The following PCDH9 variants were observed in gnomAD, a reference collection of about 807,000 sequenced individuals.
PCDH9 encodes protocadherin-9.
PCDH9 carries 24 observed loss-of-function variants against 70.6 expected under a neutral mutation model. The observed-to-expected ratio is 0.34, with a 90% CI of 0.25 to 0.48. The LOEUF (loss-of-function observed/expected upper bound fraction) is 0.48, where lower values mean the gene tolerates loss of function less well. PCDH9 is among the 20% of genes least tolerant of loss of function. PCDH9 has a pLI of 0.99. For synonymous variants in PCDH9, 562 were observed against 558.5 expected (o/e 1.01, Z -0.09); for missense variants, 1,281 against 1,503.6 (o/e 0.85, Z 2.45).
intron 4 of PCDH9, among the ~76,000 whole-genome samples, chr13:66,457,917 T>G (rs1425359712): frequency 2.0e-5 from 3 of 152,028 alleles, no homozygotes; most frequent in Non-Finnish European, 4.4e-5. Context: ...CCTTAAATCG[T>G]TTCATTCATC....
chr13:66,428,596 C>T (rs1234558358), intron 4 of PCDH9, among the ~76,000 whole-genome samples: 2 of 151,590 alleles, frequency 1.3e-5, no homozygotes, highest in Non-Finnish European at 3.0e-5. Context: ...CCCTCAGCAT[C>T]CTTATTTATA....
At position 66,351,146 on chromosome 13, in the gene PCDH9, CT is replaced by C. The variant is rs541032538; in HGVS notation, c.3341-46119del. 4.1e-3 allele frequency among the ~76,000 whole-genome samples: 620 copies of C among 151,344 alleles called. 3 individuals are homozygous for C. The highest frequency in any genetic ancestry group is 0.014 in the African/African-American group (588 of 41,312). On this transcript the variant is annotated intron_variant, in intron 4 of 4. Transcript: ENST00000377865. ...GCCAGACACTGTACTAAATACTTTA[CT>C]TTTTTTTTCATTTGATTCTTTCTAC...
chr13:66,498,325 A>G (rs1221524924), intron 4 of PCDH9, among the ~76,000 whole-genome samples: 1 of 151,828 alleles, frequency 6.6e-6, no homozygotes, highest in Non-Finnish European at 1.5e-5. Context: ...TTGTGTTTTT[A>G]GTAGAGACGG....
chr13:66,684,921 TTAA>T (rs1380927731), intron 3 of PCDH9, among the ~76,000 whole-genome samples: 1 of 152,112 alleles, frequency 6.6e-6, no homozygotes, highest in Admixed American at 6.6e-5. Context: ...ATGCAAAATG[TTAA>T]TAATGATATA....
chr13:66,404,520 T>C (rs1377167472), intron 4 of PCDH9, among the ~76,000 whole-genome samples: 1 of 152,002 alleles, frequency 6.6e-6, no homozygotes, highest in Non-Finnish European at 1.5e-5. Flanking sequence ...ACAAGGAGGC[T>C]GATAATCCAC....
At chr13:66,819,454 G>A (rs1333975030) in intron 3 of PCDH9, among the ~76,000 whole-genome samples, 1 of 152,036 alleles carries the variant, frequency 6.6e-6, no homozygotes, top group Non-Finnish European at 1.5e-5. Flanking sequence ...AGATGAGTTG[G>A]GGATAATGAC....
intron 3 of PCDH9, among the ~76,000 whole-genome samples, chr13:66,717,751 T>C (rs1486592118): frequency 6.6e-6 from 1 of 151,948 alleles, no homozygotes; most frequent in Non-Finnish European, 1.5e-5. Flanking sequence ...TAGGTGCATA[T>C]ATCTATGTAT....
intron 3 of PCDH9, among the ~76,000 whole-genome samples, chr13:66,721,056 T>C (rs2078935591): frequency 6.6e-6 from 1 of 152,202 alleles, no homozygotes; most frequent in South Asian, 2.1e-4. Flanking sequence ...CTTCCAAGTG[T>C]AATGGGTTAT....
intron 2 of PCDH9, chr13:67,215,645 C>T (rs2138098248): frequency 6.6e-6 from 1 of 152,098 alleles, no homozygotes; most frequent in African/African-American, 2.4e-5. Context: ...TCCAAAATTA[C>T]TGAGAAAATG....
chr13:66,387,502 T>C (rs1227171783), intron 4 of PCDH9, among the ~76,000 whole-genome samples: 3 of 150,948 alleles, frequency 2.0e-5, no homozygotes, highest in Admixed American at 6.6e-5. Flanking sequence ...TCTCATCACA[T>C]TGAGTAAATT....
intron 4 of PCDH9, among the ~76,000 whole-genome samples, chr13:66,436,509 T>C (rs1403891198): frequency 1.3e-5 from 2 of 152,170 alleles, no homozygotes; most frequent in Admixed American, 1.3e-4. Flanking sequence ...AAGGTTTTAA[T>C]CTATTTTTAG....
At chr13:67,110,511 T>C (rs1315765271) in intron 2 of PCDH9, among the ~76,000 whole-genome samples, 4 of 70,632 alleles carry the variant, frequency 5.7e-5, no homozygotes, top group South Asian at 5.9e-4. Flanking sequence ...CTCCACTCCA[T>C]CTCAAAAAAA....
intron 2 of PCDH9, among the ~76,000 whole-genome samples, chr13:67,094,616 T>C (rs545565535): frequency 1.3e-5 from 2 of 151,870 alleles, no homozygotes; most frequent in East Asian, 3.9e-4. Context: ...TGCCCAGCAC[T>C]GTTGGACCAC....
chr13:66,894,469 T>A (rs1189577360), intron 3 of PCDH9, among the ~76,000 whole-genome samples: 1 of 152,170 alleles, frequency 6.6e-6, no homozygotes, highest in Non-Finnish European at 1.5e-5. Context: ...ATTTTTTTTA[T>A]TTCATGGACA....
intron 3 of PCDH9, among the ~76,000 whole-genome samples, chr13:66,691,321 A>C (rs2078482250): frequency 6.6e-6 from 1 of 152,170 alleles, no homozygotes; most frequent in Non-Finnish European, 1.5e-5. Context: ...TACAGTCATG[A>C]GCCACCGCAC....
intron 3 of PCDH9, among the ~76,000 whole-genome samples, chr13:66,652,861 T>C (rs2077872443): frequency 6.6e-6 from 1 of 152,118 alleles, no homozygotes; most frequent in African/African-American, 2.4e-5. Context: ...TGAACTCATT[T>C]TTGACAAAGG....
At chr13:66,467,136 A>G (rs954363124) in intron 4 of PCDH9, among the ~76,000 whole-genome samples, 1 of 152,038 alleles carries the variant, frequency 6.6e-6, no homozygotes, top group African/African-American at 2.4e-5. Flanking sequence ...CCAAAAAAGT[A>G]CATTACATCT....
chr13:66,916,965 A>G (rs138127274), intron 2 of PCDH9, among the ~76,000 whole-genome samples: 25 of 151,684 alleles, frequency 1.6e-4, no homozygotes, highest in Middle Eastern at 3.4e-3. Flanking sequence ...GAAAGTACAT[A>G]CAAAAGATAA....
intron 3 of PCDH9, among the ~76,000 whole-genome samples, chr13:66,823,313 A>G (rs2080748310): frequency 6.6e-6 from 1 of 151,974 alleles, no homozygotes; most frequent in South Asian, 2.1e-4. Flanking sequence ...ATTTTCATAT[A>G]ATGTATCTAA....
Sources: gnomAD v4.1 joint callset for allele counts (sites outside exome capture counted in the v4.1 genomes callset) on GRCh38, gnomAD v4.1.1 for gene constraint, MANE v1.5 for transcripts, NCBI Gene and HGNC (gene_info 2026-07-23, HGNC 2026-07-21) for gene names.